The following FHIT variants were observed in gnomAD, a reference collection of about 807,000 sequenced individuals.
The protein encoded by FHIT is bis(5'-adenosyl)-triphosphatase.
In FHIT, 19 loss-of-function variants were observed where a neutral mutation model predicts 17.9. That is an observed-to-expected ratio of 1.06 (90% CI 0.74 to 1.56). The LOEUF is 1.56. Among genes scored for constraint, FHIT ranks in the 40% most tolerant of loss-of-function variants. The pLI, the probability that FHIT is intolerant of heterozygous loss-of-function variation, is 0.00. For missense variants in FHIT, 248 were observed against 189.2 expected, an observed-to-expected ratio of 1.31 and a Z score of -1.82; for synonymous variants, 81 against 69.7, an observed-to-expected ratio of 1.16 and a Z score of -0.81.
intron 8 of FHIT, among the ~76,000 whole-genome samples, chr3:59,859,305 A>G (rs891604753): frequency 2.6e-5 from 4 of 152,222 alleles, no homozygotes. Flanking sequence ...GCATGGAAGA[A>G]TACATGACTT....
chr3:60,632,781 T>TA (rs148701185), intron 4 of FHIT, among the ~76,000 whole-genome samples: 9 of 152,124 alleles, frequency 5.9e-5, no homozygotes, highest in African/African-American at 1.7e-4. Context: ...AGGAAAGGGT[T>TA]AAAAAAAACT....
intron 7 of FHIT, among the ~76,000 whole-genome samples, chr3:59,994,575 C>A (rs1292591621): frequency 6.6e-6 from 1 of 152,098 alleles, no homozygotes; most frequent in African/African-American, 2.4e-5. Context: ...TTCCACTGCC[C>A]TCATTAGCTG....
chr3:60,498,050 A>G (rs1250770210), intron 5 of FHIT, among the ~76,000 whole-genome samples: 1 of 152,244 alleles, frequency 6.6e-6, no homozygotes, highest in African/African-American at 2.4e-5. Context: ...AAACAGCCAT[A>G]GAGGATACAT....
At chr3:60,786,554 A>C (rs1553727010) in intron 4 of FHIT, among the ~76,000 whole-genome samples, 1 of 152,204 alleles carries the variant, frequency 6.6e-6, no homozygotes, top group East Asian at 1.9e-4. Context: ...ATAATCCTAA[A>C]ACGTACCTCA....
intron 5 of FHIT, among the ~76,000 whole-genome samples, chr3:60,191,262 T>C (rs1702390308): frequency 6.6e-6 from 1 of 152,082 alleles, no homozygotes; most frequent in East Asian, 1.9e-4. Flanking sequence ...ACAAAAATAA[T>C]GCTTAAACAC....
chr3:60,337,111 C>A (rs1409225426), intron 5 of FHIT, among the ~76,000 whole-genome samples: 1 of 152,138 alleles, frequency 6.6e-6, no homozygotes, highest in African/African-American at 2.4e-5. Flanking sequence ...AGCTTGGCAA[C>A]ATTTATTCTT....
At chr3:60,499,801 G>A (rs190580739) in intron 5 of FHIT, among the ~76,000 whole-genome samples, 7 of 152,148 alleles carry the variant, frequency 4.6e-5, no homozygotes, top group South Asian at 4.1e-4. Flanking sequence ...GTCCCTCCTC[G>A]TTAGTTCTTA....
chr3:59,945,614 G>A (rs1374713229), intron 7 of FHIT, among the ~76,000 whole-genome samples: 1 of 151,720 alleles, frequency 6.6e-6, no homozygotes, highest in Non-Finnish European at 1.5e-5. Context: ...GTACAGAATG[G>A]TATTTCCTAA....
At chr3:60,215,102 C>T (rs1300947858) in intron 5 of FHIT, among the ~76,000 whole-genome samples, 1 of 151,924 alleles carries the variant, frequency 6.6e-6, no homozygotes, top group Non-Finnish European at 1.5e-5. Context: ...ATCATTCATC[C>T]ACCAAGCTTC....
chr3:60,546,762 G>A (rs2036380179), intron 4 of FHIT, among the ~76,000 whole-genome samples: 1 of 152,028 alleles, frequency 6.6e-6, no homozygotes, highest in South Asian at 2.1e-4. Flanking sequence ...AGAATTCACT[G>A]AACCTTCTAA....
intron 5 of FHIT, among the ~76,000 whole-genome samples, chr3:60,281,656 C>T (rs1707462357): frequency 1.4e-5 from 2 of 146,824 alleles, no homozygotes; most frequent in South Asian, 4.3e-4. Context: ...ACAGACCTTA[C>T]ACCTTTTACA....
rs146276051 is a variant in FHIT at position 60,196,794 on chromosome 3, T to C, written c.104-182642A>G. On this transcript the variant is annotated intron_variant, in intron 5 of 9. Coordinates refer to ENST00000492590, the MANE Select transcript of FHIT (RefSeq NM_002012.4). ...TAGATGATATCATACATATATACAA[T>C]ATATACATACTATGATAGTAAATGT... is the stretch of plus-strand genomic sequence containing the variant. Among the ~76,000 whole-genome samples the C allele has an allele frequency of 6.6e-5, 10 of 151,584 alleles. 1 individual carries two copies. The East Asian group carries it at 1.9e-3, about 29-fold the overall frequency.
At chr3:59,939,665 C>G (rs1274882180) in intron 7 of FHIT, among the ~76,000 whole-genome samples, 1 of 152,192 alleles carries the variant, frequency 6.6e-6, no homozygotes, top group Non-Finnish European at 1.5e-5. Flanking sequence ...CTGCTGAGCC[C>G]TGGCTACAGC....
chr3:60,110,283 G>C (rs1704615073), intron 5 of FHIT, among the ~76,000 whole-genome samples: 1 of 152,142 alleles, frequency 6.6e-6, no homozygotes, highest in Non-Finnish European at 1.5e-5. Context: ...TCTAAGCAGG[G>C]TAAGTGGGCT....
At chr3:59,792,302 A>T (rs1220741409) in intron 8 of FHIT, among the ~76,000 whole-genome samples, 1 of 152,190 alleles carries the variant, frequency 6.6e-6, no homozygotes, top group Non-Finnish European at 1.5e-5. Flanking sequence ...TATAGAAAGA[A>T]ACAGATGATG....
chr3:59,879,363 C>T (rs1190819836), intron 8 of FHIT, among the ~76,000 whole-genome samples: 6 of 152,160 alleles, frequency 3.9e-5, no homozygotes, highest in African/African-American at 1.2e-4. Flanking sequence ...CCTGCTTCCC[C>T]AACGTTCACT....
chr3:60,568,430 G>A (rs2037220582), intron 4 of FHIT, among the ~76,000 whole-genome samples: 1 of 151,824 alleles, frequency 6.6e-6, no homozygotes, highest in Admixed American at 6.6e-5. Flanking sequence ...ACACAGGAAG[G>A]GGAACATCAC....
intron 3 of FHIT, among the ~76,000 whole-genome samples, chr3:60,860,120 A>AT (rs1559777931): frequency 9.8e-6 from 1 of 102,032 alleles, no homozygotes; most frequent in African/African-American, 3.7e-5. Flanking sequence ...ATGATATATA[A>AT]ATGATATATC....
At chr3:60,801,536 C>G (rs1180888924) in intron 4 of FHIT, among the ~76,000 whole-genome samples, 1 of 152,222 alleles carries the variant, frequency 6.6e-6, no homozygotes, top group African/African-American at 2.4e-5. Flanking sequence ...CACATTGGCT[C>G]CTGGCCTTCT....
Sources: gnomAD v4.1 joint callset for allele counts (sites outside exome capture counted in the v4.1 genomes callset) on GRCh38, gnomAD v4.1.1 for gene constraint, MANE v1.5 for transcripts, NCBI Gene and HGNC (gene_info 2026-07-23, HGNC 2026-07-21) for gene names.